PRICKLE2: variants seen among roughly 807,000 people sequenced by gnomAD.
PRICKLE2 encodes prickle-like protein 2.
A neutral mutation model predicts 81.4 loss-of-function variants in PRICKLE2; 21 were observed. The ratio of observed to expected loss-of-function variants is 0.26; its 90% CI spans 0.18 to 0.37. The LOEUF is 0.37. PRICKLE2 is among the 10% of genes least tolerant of loss of function. The pLI, the probability that PRICKLE2 is intolerant of heterozygous loss-of-function variation, is 1.00. For missense variants in PRICKLE2, 940 were observed against 1,109.0 expected, an observed-to-expected ratio of 0.85 and a Z score of 2.16; for synonymous variants, 456 against 421.5, an observed-to-expected ratio of 1.08 and a Z score of -1.00.
At chr3:64,256,582 A>G (rs2079528415) in intron 2 of PRICKLE2, among the ~76,000 whole-genome samples, 1 of 152,216 alleles carries the variant, frequency 6.6e-6, no homozygotes, top group Non-Finnish European at 1.5e-5. Flanking sequence ...TCAATAAATG[A>G]TACCTGCTAC....
intron 2 of PRICKLE2, among the ~76,000 whole-genome samples, chr3:64,188,513 T>C (rs951175756): frequency 1.3e-5 from 2 of 152,210 alleles, no homozygotes; most frequent in African/African-American, 4.8e-5. Context: ...ATTTAACAAG[T>C]TCCCAGGTGA....
intron 1 of PRICKLE2, among the ~76,000 whole-genome samples, chr3:64,224,298 T>C (rs977701326): frequency 6.6e-6 from 1 of 152,164 alleles, no homozygotes; most frequent in Non-Finnish European, 1.5e-5. Context: ...AATGCTATGA[T>C]TGGTTTTCGA....
chr3:64,158,432 T>C (rs1231609457), intron 4 of PRICKLE2, among the ~76,000 whole-genome samples: 4 of 152,174 alleles, frequency 2.6e-5, no homozygotes, highest in Non-Finnish European at 5.9e-5. Flanking sequence ...CATAATCCTA[T>C]ATAACCCTCA....
At position 64,097,679 on chromosome 3, in the gene PRICKLE2, T is replaced by C. The variant is rs1040446443; in HGVS notation, c.*1372A>G. ...AACAAAGCCTGTTTTTTTAAAGACA[T>C]TGCACCACTGAAATCTCAGCAGCTC... On this transcript the variant is annotated 3_prime_UTR_variant, in exon 8 of 8. Transcript: ENST00000638394. The C allele has an allele frequency of 6.6e-6, 1 of 152,620 alleles. No homozygotes were observed. The highest frequency in any genetic ancestry group is 2.1e-4 in the South Asian group (1 of 4,822). 9.5% of individuals were successfully genotyped at this position (152,620 alleles called of 1,614,324 possible). A position where few individuals can be genotyped will look rare whatever the true frequency, so the allele number is the denominator to read the frequency against.
At chr3:64,136,107 G>T (rs1693012290) in intron 7 of PRICKLE2, among the ~76,000 whole-genome samples, 1 of 151,990 alleles carries the variant, frequency 6.6e-6, no homozygotes, top group Non-Finnish European at 1.5e-5. Context: ...ACTTACTAAG[G>T]TGCTATTTAC....
At chr3:64,166,978 G>A (rs533873361) in intron 2 of PRICKLE2, among the ~76,000 whole-genome samples, 1 of 152,278 alleles carries the variant, frequency 6.6e-6, no homozygotes, top group South Asian at 2.1e-4. Context: ...CAGCTCTCCT[G>A]AATTCTTTGG....
intron 1 of PRICKLE2, among the ~76,000 whole-genome samples, chr3:64,222,196 G>A (rs1457645838): frequency 6.6e-6 from 1 of 152,132 alleles, no homozygotes; most frequent in Non-Finnish European, 1.5e-5. Context: ...GGAAGCCAAA[G>A]TTCAGAGAGG....
At chr3:64,135,143 G>C (rs1201833775) in intron 7 of PRICKLE2, among the ~76,000 whole-genome samples, 1 of 152,178 alleles carries the variant, frequency 6.6e-6, no homozygotes, top group African/African-American at 2.4e-5. Context: ...TAAATGACTC[G>C]AAGAAGCAAG....
intron 2 of PRICKLE2, among the ~76,000 whole-genome samples, chr3:64,181,357 C>A (rs4645130): frequency 6.6e-6 from 1 of 152,138 alleles, no homozygotes; most frequent in Non-Finnish European, 1.5e-5. Context: ...CTTCCGCATC[C>A]TGACAGTCCC....
At chr3:64,218,290 A>G (rs1198945273) in intron 1 of PRICKLE2, among the ~76,000 whole-genome samples, 1 of 152,244 alleles carries the variant, frequency 6.6e-6, no homozygotes, top group Non-Finnish European at 1.5e-5. Context: ...CTTAAAAACA[A>G]TAAAACCTCA....
intron 2 of PRICKLE2, among the ~76,000 whole-genome samples, chr3:64,167,781 A>C (rs1490983377): frequency 6.6e-6 from 1 of 152,240 alleles, no homozygotes; most frequent in Non-Finnish European, 1.5e-5. Flanking sequence ...TTCTCAAACT[A>C]TAGCTTGCAT....
chr3:64,126,663 C>T (rs776772574), intron 7 of PRICKLE2, among the ~76,000 whole-genome samples: 6 of 152,090 alleles, frequency 3.9e-5, no homozygotes, highest in South Asian at 2.1e-4. Context: ...CTGCAACCTC[C>T]GCCTCCCAGG....
chr3:64,216,280 C>A, intron 1 of PRICKLE2, among the ~76,000 whole-genome samples: 1 of 152,164 alleles, frequency 6.6e-6, no homozygotes, highest in East Asian at 1.9e-4. Context: ...AAGCTGGGAT[C>A]CTCTCCCTTA....
rs367680077 is a variant in PRICKLE2 at position 64,157,168 on chromosome 3, G to A, written c.594C>T (p.Cys198=). Residue 198 remains cysteine, a synonymous_variant, in exon 5 of 8, where the codon TGC becomes TGT. Transcript: ENST00000638394. ...AECLKPRCAA[C]DEIIFADECT... ...TGCTGGAGTTTGCTCTAACCTCATC[G>A]CAGGCAGCACAGCGCGGCTTCAGGC... is the stretch of plus-strand genomic sequence containing the variant. 8.4e-5 allele frequency: 135 copies of A among 1,613,816 alleles called. No homozygotes were observed. The highest frequency in any genetic ancestry group is 2.3e-4 in the African/African-American group (17 of 74,932).
chr3:64,153,625 T>A, intron 5 of PRICKLE2: 1 of 468,056 alleles, frequency 2.1e-6, no homozygotes, highest in Non-Finnish European at 3.9e-6. Context: ...AGAGAAAGAA[T>A]GTTCTACCCT....
rs1192953113 is a variant in PRICKLE2 at position 64,177,302 on chromosome 3, GT to G, written c.145-14174del. 2.6e-5 allele frequency among the ~76,000 whole-genome samples: 4 copies of G among 151,076 alleles called. 1 individual carries two copies. Among genetic ancestry groups the G allele is most frequent in the African/African-American group, 9.7e-5 (4 of 41,102 alleles). ...AGGCACTCACCACCACACCCGGCTA[GT>G]TTTTTGTATTTTTAATAGAGACAGG... On this transcript the variant is annotated intron_variant, in intron 2 of 7. Coordinates refer to ENST00000638394, the MANE Select transcript of PRICKLE2 (RefSeq NM_198859.4).
chr3:64,148,825 G>C (rs892071618), intron 6 of PRICKLE2, among the ~76,000 whole-genome samples: 4 of 152,170 alleles, frequency 2.6e-5, no homozygotes, highest in African/African-American at 9.7e-5. Flanking sequence ...CTGGTGCCTT[G>C]AGTTTGAACT....
rs1296969560 is a variant in PRICKLE2 at position 64,098,773 on chromosome 3, G to A, written c.*278C>T. ...AAACAATTTACCATCTTGAGAGATG[G>A]CAACTCAACACAGAACTGATGGGAA... On this transcript the variant is annotated 3_prime_UTR_variant, in exon 8 of 8. Transcript: ENST00000638394. 6 of 458,342 alleles carry A rather than the reference G, an allele frequency of 1.3e-5. No homozygotes were observed. The highest frequency in any genetic ancestry group is 2.0e-5 in the Non-Finnish European group (5 of 251,044). The allele number at this position is 458,342 out of a possible 1,614,324, so 28.4% of individuals were successfully genotyped here. A position where few individuals can be genotyped will look rare whatever the true frequency, so the allele number is the denominator to read the frequency against.
In PRICKLE2 at chr3:64,098,404, C is replaced by T. The variant is rs1446852231; in HGVS notation, c.*647G>A. 2 of 149,362 alleles carry T rather than the reference C, an allele frequency of 1.3e-5. No homozygotes were observed. Among genetic ancestry groups the T allele is most frequent in the African/African-American group, 5.0e-5 (2 of 40,350 alleles). The allele number at this position is 149,362 out of a possible 1,614,324, so 9.3% of individuals were successfully genotyped here. On this transcript the variant is annotated 3_prime_UTR_variant, in exon 8 of 8. Transcript: ENST00000638394. ...GGGTCTAACAGTTATGTTTTTTCAG[C>T]CACAAAAAGCCAAATTGAATATGTT... is the stretch of plus-strand genomic sequence containing the variant.
Sources: allele counts gnomAD v4.1 joint callset (sites outside exome capture counted in the v4.1 genomes callset), GRCh38; gene constraint gnomAD v4.1.1; transcripts MANE v1.5; gene names NCBI Gene and HGNC (gene_info 2026-07-23, HGNC 2026-07-21).